The following ARSG variants were observed in gnomAD, a reference collection of about 807,000 sequenced individuals.
The protein encoded by ARSG is ASG.
Under a neutral mutation model 50.5 loss-of-function variants are expected in ARSG, and 37 were observed. The ratio of observed to expected loss-of-function variants is 0.73; its 90% CI spans 0.56 to 0.96. The LOEUF is 0.96. ARSG is among the 50% of genes least tolerant of loss of function. ARSG has a pLI of 0.00. For missense variants in ARSG, 629 were observed against 675.3 expected (o/e 0.93, Z 0.76); for synonymous variants, 225 against 254.6 (o/e 0.88, Z 1.11).
intron 1 of ARSG, chr17:68,270,774 C>G: frequency 7.3e-7 from 1 of 1,373,444 alleles, no homozygotes. Context: ...ATGGCTTGAA[C>G]AGGAAGCTAG....
At chr17:68,300,945 C>T (rs954609001) in intron 1 of ARSG, among the ~76,000 whole-genome samples, 3 of 151,744 alleles carry the variant, frequency 2.0e-5, no homozygotes, top group South Asian at 2.1e-4. Context: ...GGTGAAACCC[C>T]GTCTCTACTA....
chr17:68,335,143 T>A lies in ARSG; in HGVS notation c.219-8461T>A, dbSNP rs940653071. 3.3e-5 allele frequency among the ~76,000 whole-genome samples: 5 copies of A among 152,190 alleles called. No homozygotes were observed. In the East Asian group the frequency reaches 9.7e-4, roughly 29 times the overall value. On this transcript the variant is annotated intron_variant, in intron 2 of 11. Coordinates refer to ENST00000621439, the MANE Select transcript of ARSG (RefSeq NM_001267727.2). ...CCCCAAGTAGCTGGGACTACAGGTATGTATCACCACACCTGGCTAATTTTT... is the reference window on the plus strand; with the variant it reads ...CCCCAAGTAGCTGGGACTACAGGTAAGTATCACCACACCTGGCTAATTTTT...
chr17:68,317,032 C>T (rs1223364131), intron 2 of ARSG, among the ~76,000 whole-genome samples: 7 of 152,156 alleles, frequency 4.6e-5, no homozygotes, highest in East Asian at 3.9e-4. Context: ...CCAGCGCACA[C>T]GATTCGTTTT....
chr17:68,295,579 A>G (rs1191997794), intron 1 of ARSG, among the ~76,000 whole-genome samples: 1 of 151,680 alleles, frequency 6.6e-6, no homozygotes, highest in Non-Finnish European at 1.5e-5. Flanking sequence ...TGATAATCCT[A>G]GTGCTTTTGG....
chr17:68,270,541 G>A (rs1224572272), intron 1 of ARSG, among the ~76,000 whole-genome samples: 6 of 146,756 alleles, frequency 4.1e-5, no homozygotes, highest in Non-Finnish European at 7.5e-5. Context: ...GTGATAGAGC[G>A]AGACTCCATC....
downstream of ARSG, chr17:68,421,364 C>A: frequency 6.0e-6 from 1 of 167,014 alleles, no homozygotes. Context: ...CCAAAAAAGA[C>A]TTTGCCTGGC....
At chr17:68,286,713 T>C (rs1235556618), upstream of ARSG, among the ~76,000 whole-genome samples, 1 of 152,064 alleles carries the variant, frequency 6.6e-6, no homozygotes, top group African/African-American at 2.4e-5. Flanking sequence ...GTATGTTAGC[T>C]AGGCTGGTCT....
At chr17:68,325,553 G>A (rs1555772107) in intron 2 of ARSG, among the ~76,000 whole-genome samples, 1 of 152,140 alleles carries the variant, frequency 6.6e-6, no homozygotes. Context: ...AGGAAGGTGG[G>A]GGATAGCTGA....
rs148154657 is a variant in ARSG at position 68,276,733 on chromosome 17, C to T, written c.-552+17307C>T. On this transcript the variant is annotated intron_variant, in intron 1 of 11. Transcript: ENST00000448504. ...CCTCCCAGAGTGCTGGGATTACAGGCGTGAGCCACCATGCCCAGCTTGGTT... is the reference window on the plus strand; with the variant it reads ...CCTCCCAGAGTGCTGGGATTACAGGTGTGAGCCACCATGCCCAGCTTGGTT... 8.3e-3 allele frequency among the ~76,000 whole-genome samples: 1,266 copies of T among 152,224 alleles called. 9 individuals carry two copies. The highest frequency in any genetic ancestry group is 0.014 in the Non-Finnish European group (976 of 68,016).
chr17:68,430,116 A>T, the ARSG span: 3 of 1,614,052 alleles, frequency 1.9e-6, no homozygotes, highest in South Asian at 1.1e-5. Context: ...AGCCATAAAC[A>T]TCTTTCCCAT....
chr17:68,296,569 G>T (rs900590168), intron 1 of ARSG, among the ~76,000 whole-genome samples: 1 of 152,146 alleles, frequency 6.6e-6, no homozygotes. Flanking sequence ...GTGATCGGTG[G>T]GGGCCTGTGG....
downstream of ARSG, among the ~76,000 whole-genome samples, chr17:68,425,478 C>T (rs1316198417): frequency 1.3e-5 from 2 of 151,566 alleles, no homozygotes; most frequent in South Asian, 2.1e-4. Flanking sequence ...GCCTCGGCCT[C>T]CCAAAGTGCT....
the ARSG span, among the ~76,000 whole-genome samples, chr17:68,432,591 G>A: frequency 3.5e-3 from 539 of 152,076 alleles, 6 homozygotes; most frequent in African/African-American, 0.013. Context: ...GTGTTAGCAT[G>A]TATCAGCGTG....
chr17:68,285,830 G>A (rs1427512673), intron 1 of ARSG, among the ~76,000 whole-genome samples: 5 of 151,572 alleles, frequency 3.3e-5, no homozygotes, highest in African/African-American at 4.9e-5. Context: ...GCATGATTTC[G>A]GCTCACTGCC....
At position 68,297,638 on chromosome 17, in the gene ARSG, T is replaced by C. The variant is rs1349351000; in HGVS notation, c.-552+6070T>C. ...TATCTTTTTTTAAAATTAAAAAAAT[T>C]TTTTTTCTAATAGAGATGGGGTCTT... On this transcript the variant is annotated intron_variant, in intron 1 of 11. Coordinates refer to ENST00000621439, the MANE Select transcript of ARSG (RefSeq NM_001267727.2). 2.6e-5 allele frequency among the ~76,000 whole-genome samples: 4 copies of C among 152,100 alleles called. No individual in the cohort carries two copies. The East Asian group carries it at 7.7e-4, about 29-fold the overall frequency.
chr17:68,419,401 C>T (rs373255756), intron 11 of ARSG, among the ~76,000 whole-genome samples: 4 of 152,108 alleles, frequency 2.6e-5, no homozygotes, highest in South Asian at 2.1e-4. Context: ...TATGGTGAAA[C>T]GCCATCTCTA....
intron 6 of ARSG, among the ~76,000 whole-genome samples, chr17:68,362,566 A>G (rs756574884): frequency 2.6e-5 from 4 of 151,782 alleles, no homozygotes; most frequent in Non-Finnish European, 5.9e-5. Context: ...TTTCTCTTCC[A>G]TCTCTCCTAC....
chr17:68,309,882 A>G (rs571896957), intron 2 of ARSG, among the ~76,000 whole-genome samples: 1 of 151,946 alleles, frequency 6.6e-6, no homozygotes, highest in Non-Finnish European at 1.5e-5. Context: ...TAAAATAAAA[A>G]AGTAAATAAA....
intron 4 of ARSG, among the ~76,000 whole-genome samples, chr17:68,348,846 C>T (rs932544109): frequency 2.0e-5 from 3 of 152,196 alleles, no homozygotes; most frequent in Non-Finnish European, 4.4e-5. Context: ...ACCCACGCTC[C>T]TCTTGCTGCC....
Sources: allele counts gnomAD v4.1 joint callset (sites outside exome capture counted in the v4.1 genomes callset), GRCh38; gene constraint gnomAD v4.1.1; transcripts MANE v1.5; gene names NCBI Gene and HGNC (gene_info 2026-07-23, HGNC 2026-07-21).